The following ARID4B variants were observed in gnomAD, a reference collection of about 807,000 sequenced individuals.
ARID4B encodes AT-rich interaction domain 4B, also known as AT-rich interactive domain-containing protein 4B.
In ARID4B, 26 loss-of-function variants were observed where a neutral mutation model predicts 147.5. That is an observed-to-expected ratio of 0.18 (90% CI 0.13 to 0.24). The LOEUF (loss-of-function observed/expected upper bound fraction) is 0.24, where lower values mean the gene tolerates loss of function less well. Among genes scored for constraint, ARID4B ranks in the 10% least tolerant of loss-of-function variants. The pLI is 1.00. For synonymous variants in ARID4B, 512 were observed against 507.9 expected (o/e 1.01, Z -0.11); for missense variants, 1,179 against 1,511.5 (o/e 0.78, Z 3.65).
intron 8 of ARID4B, among the ~76,000 whole-genome samples, chr1:235,237,696 A>T (rs1476620000): frequency 2.0e-5 from 3 of 152,256 alleles, no homozygotes; most frequent in Admixed American, 2.0e-4. Flanking sequence ...AAAAGAGTTT[A>T]TATATATTAT....
At chr1:235,245,059 C>T (rs1349576338) in intron 7 of ARID4B, among the ~76,000 whole-genome samples, 1 of 152,190 alleles carries the variant, frequency 6.6e-6, no homozygotes, top group Non-Finnish European at 1.5e-5. Flanking sequence ...AACAAGATTA[C>T]AGATGGAGCA....
chr1:235,251,839 T>A (rs889242954), intron 6 of ARID4B, among the ~76,000 whole-genome samples: 2 of 152,170 alleles, frequency 1.3e-5, no homozygotes, highest in Non-Finnish European at 1.5e-5. Flanking sequence ...ATCTACCTTT[T>A]AAATTCTGAA....
chr1:235,321,031 G>T (rs1572238713), intron 2 of ARID4B, among the ~76,000 whole-genome samples: 1 of 152,206 alleles, frequency 6.6e-6, no homozygotes. Context: ...AACTCCACGA[G>T]GGTAAGAACT....
At chr1:235,276,361 CAG>C (rs1671314831) in intron 2 of ARID4B, among the ~76,000 whole-genome samples, 3 of 152,044 alleles carry the variant, frequency 2.0e-5, no homozygotes, top group African/African-American at 7.3e-5. Flanking sequence ...AAGCCCTTAC[CAG>C]ATGCGTCTGG....
chr1:235,216,633 G>A (rs773708645), intron 16 of ARID4B, among the ~76,000 whole-genome samples: 17 of 151,948 alleles, frequency 1.1e-4, no homozygotes, highest in East Asian at 1.9e-4. Context: ...ATGAGCCACC[G>A]CACCCAGCCT....
chr1:235,255,796 T>A, intron 4 of ARID4B, 46 bp from the exon 5 acceptor site: 1 of 1,394,030 alleles, frequency 7.2e-7, no homozygotes, highest in Non-Finnish European at 1.0e-6. Flanking sequence ...AAAGGTAAAT[T>A]AACAAACCAA....
chr1:235,307,876 G>A (rs990952375), intron 2 of ARID4B, among the ~76,000 whole-genome samples: 1 of 151,978 alleles, frequency 6.6e-6, no homozygotes, highest in Non-Finnish European at 1.5e-5. Context: ...CTGTCGCCCA[G>A]GCTGGAATCT....
At chr1:235,252,922 T>C in intron 5 of ARID4B, 113 bp from the exon 6 acceptor site, 2 of 707,118 alleles carry the variant, frequency 2.8e-6, no homozygotes, top group Non-Finnish European at 4.6e-6. Flanking sequence ...AGACTACATT[T>C]GGAATTCAAT....
intron 2 of ARID4B, among the ~76,000 whole-genome samples, chr1:235,315,061 T>A (rs1674334283): frequency 6.6e-6 from 1 of 152,166 alleles, no homozygotes. Context: ...GTTGTCACAT[T>A]GCCAAAAATT....
rs538048267 is a variant in ARID4B at position 235,220,238 on chromosome 1, C to CT, written c.1407+63dup. On this transcript the variant is annotated intron_variant, in intron 15 of 23. Coordinates refer to ENST00000264183, the MANE Select transcript of ARID4B (RefSeq NM_016374.6). Reference sequence around the variant, plus strand: ...ATTATACAATATATTGATTTTGGAACTTTATAGAGGATATGGAAAATATAC... The same window carrying CT: ...ATTATACAATATATTGATTTTGGAACTTTTATAGAGGATATGGAAAATATAC... 6,324 of 1,432,318 alleles carry CT rather than the reference C, an allele frequency of 4.4e-3. 16 individuals carry two copies. Among genetic ancestry groups the CT allele is most frequent in the Non-Finnish European group, 5.0e-3 (5,348 of 1,070,614 alleles). 88.7% of individuals were successfully genotyped at this position (1,432,318 alleles called of 1,614,324 possible). A position where few individuals can be genotyped will look rare whatever the true frequency, so the allele number is the denominator to read the frequency against.
At chr1:235,313,540 ACAC>A (rs1202762589) in intron 2 of ARID4B, among the ~76,000 whole-genome samples, 1 of 152,144 alleles carries the variant, frequency 6.6e-6, no homozygotes, top group Non-Finnish European at 1.5e-5. Context: ...GTGGCTGACT[ACAC>A]CACATCAGAA....
intron 6 of ARID4B, among the ~76,000 whole-genome samples, chr1:235,251,762 C>T (rs184074053): frequency 6.2e-4 from 95 of 152,090 alleles, no homozygotes; most frequent in Non-Finnish European, 1.0e-3. Context: ...AGAAATAGCT[C>T]GGCCACACTG....
At position 235,326,937 on chromosome 1, in the gene ARID4B, G is replaced by C. The variant is rs544337391; in HGVS notation, c.-18C>G. 5.6e-6 allele frequency: 9 copies of C among 1,613,802 alleles called. No individual in the cohort carries two copies. The East Asian group carries it at 2.0e-4, about 36-fold the overall frequency. On this transcript the variant is annotated 5_prime_UTR_variant, in exon 2 of 24. Transcript: ENST00000264183. The stretch of plus-strand genomic sequence containing the variant: ...ACCTTCATGATGACTCTGGGACCAA[G>C]GTATCCTCTAAAACACCAGGTTCAG...
intron 17 of ARID4B, among the ~76,000 whole-genome samples, chr1:235,211,332 A>G (rs1325065895): frequency 6.6e-6 from 1 of 152,146 alleles, no homozygotes; most frequent in Non-Finnish European, 1.5e-5. Flanking sequence ...ACTCCGTGGA[A>G]GGAAGGAGGG....
chr1:235,190,734 T>C (rs1441808543), intron 19 of ARID4B, among the ~76,000 whole-genome samples: 2 of 152,192 alleles, frequency 1.3e-5, no homozygotes, highest in East Asian at 1.9e-4. Flanking sequence ...TAGAAGCTAC[T>C]AGAGAATGTG....
chr1:235,227,830 A>ATTT (rs1166758894), intron 11 of ARID4B, among the ~76,000 whole-genome samples: 4,185 of 125,240 alleles, frequency 0.033, 286 homozygotes, highest in African/African-American at 0.13. Context: ...CTTTTCTGCT[A>ATTT]TTTTTTTTTT....
rs548038718 is a variant in ARID4B at position 235,239,408 on chromosome 1, A to C, written c.585+905T>G. Among the ~76,000 whole-genome samples the C allele has an allele frequency of 3.9e-5, 6 of 152,368 alleles. No individual in the cohort carries two copies. In the South Asian group the frequency reaches 1.2e-3, roughly 32 times the overall value. On this transcript the variant is annotated intron_variant, in intron 8 of 23. Coordinates refer to ENST00000264183, the MANE Select transcript of ARID4B (RefSeq NM_016374.6). ...TGCCACAGAGTTAAATCTTCATTAA[A>C]GTATCATATATAGCTAATTATTAGT...
At chr1:235,269,112 T>G (rs1013113637) in intron 2 of ARID4B, among the ~76,000 whole-genome samples, 1 of 152,204 alleles carries the variant, frequency 6.6e-6, no homozygotes, top group African/African-American at 2.4e-5. Flanking sequence ...CTTTAAAAAG[T>G]TGGTAACAAA....
intron 2 of ARID4B, among the ~76,000 whole-genome samples, chr1:235,315,380 T>C (rs537601244): frequency 6.6e-6 from 1 of 152,288 alleles, no homozygotes; most frequent in Admixed American, 6.5e-5. Flanking sequence ...CAGTGAGCTA[T>C]GATTGCGCCA....
Sources: allele counts gnomAD v4.1 joint callset (sites outside exome capture counted in the v4.1 genomes callset), GRCh38; gene constraint gnomAD v4.1.1; transcripts MANE v1.5; gene names NCBI Gene and HGNC (gene_info 2026-07-23, HGNC 2026-07-21).